CFAP20DC: variants seen among roughly 807,000 people sequenced by gnomAD.
The protein encoded by CFAP20DC is protein CFAP20DC.
A neutral mutation model predicts 101.7 loss-of-function variants in CFAP20DC; 84 were observed. The observed-to-expected ratio is 0.83, with a 90% confidence interval of 0.69 to 0.99. CFAP20DC has a LOEUF of 0.99. CFAP20DC is among the 50% of genes least tolerant of loss of function. The probability of loss-of-function intolerance (pLI) is 0.00; values close to 1 mark genes in which losing one functional copy is unlikely to be tolerated. For missense variants in CFAP20DC, 1,007 were observed against 970.3 expected (o/e 1.04, Z -0.50); for synonymous variants, 359 against 351.2 (o/e 1.02, Z -0.25).
At position 59,014,548 on chromosome 3, in the gene CFAP20DC, G is replaced by C. The variant is rs902734671; in HGVS notation, c.278+25009C>G. Among the ~76,000 whole-genome samples, 3 of 152,158 alleles carry C rather than the reference G, an allele frequency of 2.0e-5. No homozygotes were observed. The highest frequency in any genetic ancestry group is 4.4e-5 in the Non-Finnish European group (3 of 68,022). On this transcript the variant is annotated intron_variant, in intron 4 of 16. Transcript: ENST00000482387. This position sits in a 1 kb window ranked among gnomAD's most constrained non-coding sequence, Gnocchi z 4.9. ...CTGAATTTTTCTGACAGTACTTGCA[G>C]TTAAATTTTATTTAAGCAAACTAAA...
chr3:58,849,257 G>C lies in CFAP20DC; in HGVS notation c.1746C>G (p.Ser582Arg), dbSNP rs2078008238. The change falls in exon 13 of 17, where the codon AGC becomes AGG. Residue 582 changes from serine (S) to arginine (R), a missense_variant. Coordinates refer to ENST00000482387, the MANE Select transcript of CFAP20DC (RefSeq NM_001394063.1). ...SAYTEAGATE[S>R]QDSSMEQIDR... ...CTATTTGCTCCATCGAGGAATCCTG[G>C]CTTTCTGTTGCTCCTGCTTCTGTGT... The C allele has an allele frequency of 5.2e-6, 8 of 1,535,996 alleles. No individual in the cohort carries two copies. In the East Asian group the frequency reaches 2.0e-4, roughly 38 times the overall value.
Position 58,863,072 on chromosome 3 carries a change from C to A in CFAP20DC, c.1593+486G>T. 1 of 993,322 alleles carries A rather than the reference C, an allele frequency of 1.0e-6. No individual in the cohort carries two copies. The highest frequency in any genetic ancestry group is 1.2e-6 in the Non-Finnish European group (1 of 835,656). 61.5% of individuals were successfully genotyped at this position (993,322 alleles called of 1,614,324 possible). A position where few individuals can be genotyped will look rare whatever the true frequency, so the allele number is the denominator to read the frequency against. On this transcript the variant is annotated intron_variant, in intron 12 of 16. Coordinates refer to ENST00000482387, the MANE Select transcript of CFAP20DC (RefSeq NM_001394063.1). This position sits in a 1 kb window ranked among gnomAD's most constrained non-coding sequence, Gnocchi z 5.9. ...GACTCATTATCTAAACTTTAATTGG[C>A]ACAACTCTTCAAATTCTGGGACCAT...
intron 15 of CFAP20DC, among the ~76,000 whole-genome samples, chr3:58,791,323 T>C (rs1423099526): frequency 6.6e-6 from 1 of 152,248 alleles, no homozygotes; most frequent in African/African-American, 2.4e-5. Flanking sequence ...TTATTTCATT[T>C]AATCTTTGCA....
intron 15 of CFAP20DC, among the ~76,000 whole-genome samples, chr3:58,791,605 A>G (rs971783366): frequency 6.6e-6 from 1 of 152,204 alleles, no homozygotes; most frequent in African/African-American, 2.4e-5. Flanking sequence ...TGTATATTCA[A>G]TGTCACAGTT....
chr3:58,861,703 C>T lies in CFAP20DC; in HGVS notation c.1593+1855G>A, dbSNP rs961722114. On this transcript the variant is annotated intron_variant, in intron 12 of 16. Coordinates refer to ENST00000482387, the MANE Select transcript of CFAP20DC (RefSeq NM_001394063.1). The surrounding 1 kb of genome is among the most constrained non-coding windows in gnomAD (Gnocchi z 4.0). ...CTTGATAATGTGGCAGGTGTTTCCC[C>T]TCTCTCTGGCTGCCACTCTTAGTAG... The T allele has an allele frequency of 1.0e-6, 1 of 985,366 alleles. No homozygotes were observed. Among genetic ancestry groups the T allele is most frequent in the South Asian group, 4.7e-5 (1 of 21,274 alleles). 61.0% of individuals were successfully genotyped at this position (985,366 alleles called of 1,614,324 possible).
At chr3:58,807,286 C>A (rs930732290) in intron 14 of CFAP20DC, among the ~76,000 whole-genome samples, 1 of 152,138 alleles carries the variant, frequency 6.6e-6, no homozygotes, top group African/African-American at 2.4e-5. Flanking sequence ...TGACCCCTGA[C>A]CTCCAAGCAG....
chr3:58,921,391 G>C (rs1307529997), intron 5 of CFAP20DC, among the ~76,000 whole-genome samples: 2 of 151,460 alleles, frequency 1.3e-5, no homozygotes, highest in African/African-American at 4.9e-5. Flanking sequence ...TTTCCCTTTA[G>C]GCAGTGACTG....
At chr3:58,883,576 T>C (rs2081378730) in intron 7 of CFAP20DC, among the ~76,000 whole-genome samples, 1 of 152,170 alleles carries the variant, frequency 6.6e-6, no homozygotes, top group African/African-American at 2.4e-5. Context: ...ATTTATTTAT[T>C]ATAAGTACTT....
At chr3:58,867,460 C>A (rs927632339) in intron 10 of CFAP20DC, among the ~76,000 whole-genome samples, 6 of 152,070 alleles carry the variant, frequency 3.9e-5, no homozygotes, top group Non-Finnish European at 8.8e-5. Context: ...TAAAAAGACA[C>A]AAATGAAACA....
At chr3:58,810,794 T>C (rs2074554026) in intron 14 of CFAP20DC, among the ~76,000 whole-genome samples, 1 of 151,540 alleles carries the variant, frequency 6.6e-6, no homozygotes, top group South Asian at 2.1e-4. Flanking sequence ...TGATTGTATA[T>C]CTAGAAAACC....
At chr3:59,036,252 C>T (rs532683850) in intron 4 of CFAP20DC, among the ~76,000 whole-genome samples, 8 of 152,068 alleles carry the variant, frequency 5.3e-5, no homozygotes, top group African/African-American at 1.7e-4. Context: ...ACAAGGATGC[C>T]CTCTCATCAC....
At chr3:58,967,260 T>A (rs1441879147) in intron 4 of CFAP20DC, among the ~76,000 whole-genome samples, 1 of 152,104 alleles carries the variant, frequency 6.6e-6, no homozygotes, top group Non-Finnish European at 1.5e-5. Flanking sequence ...GACAATTTAA[T>A]GGGGGAAAGA....
chr3:58,762,543 G>A (rs1444073033), intron 15 of CFAP20DC, among the ~76,000 whole-genome samples: 2 of 152,034 alleles, frequency 1.3e-5, no homozygotes, highest in East Asian at 1.9e-4. Context: ...TTACATTTAA[G>A]GTTAATATTG....
intron 13 of CFAP20DC, among the ~76,000 whole-genome samples, chr3:58,847,500 T>G (rs1193031732): frequency 1.3e-5 from 2 of 150,400 alleles, no homozygotes; most frequent in Non-Finnish European, 3.0e-5. Context: ...TGGCAATCAT[T>G]AAAAAGTCAG....
chr3:58,996,917 C>T (rs975356853), intron 4 of CFAP20DC, among the ~76,000 whole-genome samples: 1 of 152,152 alleles, frequency 6.6e-6, no homozygotes, highest in Non-Finnish European at 1.5e-5. Context: ...CACAGAGGTT[C>T]GCACCTTTTG....
intron 4 of CFAP20DC, among the ~76,000 whole-genome samples, chr3:58,941,327 C>CAAA (rs752324535): frequency 0.025 from 487 of 19,476 alleles, 30 homozygotes; most frequent in African/African-American, 0.045. Context: ...GACTCCGTCT[C>CAAA]AAAAAAAAAA....
At chr3:58,796,820 C>G (rs969642741) in intron 15 of CFAP20DC, among the ~76,000 whole-genome samples, 4 of 152,164 alleles carry the variant, frequency 2.6e-5, no homozygotes, top group Non-Finnish European at 5.9e-5. Context: ...GTCTCTGTGC[C>G]ACATTCTGGT....
chr3:58,845,906 C>CA (rs1487054285), intron 13 of CFAP20DC, among the ~76,000 whole-genome samples: 7 of 150,038 alleles, frequency 4.7e-5, no homozygotes, highest in African/African-American at 1.7e-4. Context: ...GAGCCAAAGA[C>CA]AAAAACCACA....
Position 58,753,398 on chromosome 3 carries a change from A to T in CFAP20DC, c.2332+371T>A, listed in dbSNP as rs75450085. Among the ~76,000 whole-genome samples, 188 of 152,274 alleles carry T rather than the reference A, an allele frequency of 1.2e-3. 1 individual carries two copies. Among genetic ancestry groups the T allele is most frequent in the African/African-American group, 4.4e-3 (183 of 41,572 alleles). ...GAATCTTCACAAGGAATAATCGGGGAGGCACTAACTATTATTCGTGTTATT... is the reference window on the plus strand; with the variant it reads ...GAATCTTCACAAGGAATAATCGGGGTGGCACTAACTATTATTCGTGTTATT... On this transcript the variant is annotated intron_variant, in intron 16 of 16. Coordinates refer to ENST00000482387, the MANE Select transcript of CFAP20DC (RefSeq NM_001394063.1).
Sources: allele counts gnomAD v4.1 joint callset (sites outside exome capture counted in the v4.1 genomes callset), GRCh38; gene constraint gnomAD v4.1.1; non-coding constraint Gnocchi (gnomAD v3.1); transcripts MANE v1.5; gene names NCBI Gene and HGNC (gene_info 2026-07-23, HGNC 2026-07-21).